Variants in FUT8 observed in about 807,000 individuals in gnomAD.
FUT8 encodes fucosyltransferase 8.
Under a neutral mutation model 71.3 loss-of-function variants are expected in FUT8, and 29 were observed. That is an observed-to-expected ratio of 0.41 (90% CI 0.30 to 0.55). The LOEUF is 0.55. Ranked by LOEUF, FUT8 falls within the 20% of genes least tolerant of loss-of-function variation. FUT8 has a pLI of 0.34. For missense variants in FUT8, 544 were observed against 702.1 expected (o/e 0.77, Z 2.55); for synonymous variants, 254 against 239.3 (o/e 1.06, Z -0.57).
intron 2 of FUT8, among the ~76,000 whole-genome samples, chr14:65,468,912 C>G (rs1037366166): frequency 1.3e-5 from 2 of 152,116 alleles, no homozygotes; most frequent in Non-Finnish European, 2.9e-5. Flanking sequence ...ATTCTCCCTC[C>G]TCAGCTTCTC....
intron 7 of FUT8, among the ~76,000 whole-genome samples, chr14:65,677,183 T>TGCGC (rs1426881139): frequency 1.3e-4 from 17 of 130,582 alleles, no homozygotes; most frequent in East Asian, 2.7e-4. Context: ...CGTATGTGTG[T>TGCGC]GCGCATGTGT....
At chr14:65,646,088 G>C (rs1222799317) in intron 6 of FUT8, 1 of 152,162 alleles carries the variant, frequency 6.6e-6, no homozygotes. Flanking sequence ...TTTAACTCAT[G>C]ATGGTGAAAT....
rs1891918650 is a variant in FUT8, at chr14:65,660,736, T to C, written c.598-8507T>C. Among the ~76,000 whole-genome samples, 2 of 152,198 alleles carry C rather than the reference T, an allele frequency of 1.3e-5. No homozygotes were observed. Among genetic ancestry groups the C allele is most frequent in the African/African-American group, 2.4e-5 (1 of 41,456 alleles). Reference sequence around the variant, plus strand: ...TTTAATATGTTAAGGGACAATAATTTCTGGTCTTGGCTTTTAAAAGTGAGC... The same window carrying C: ...TTTAATATGTTAAGGGACAATAATTCCTGGTCTTGGCTTTTAAAAGTGAGC... On this transcript the variant is annotated intron_variant, in intron 6 of 10. Transcript: ENST00000673929. The surrounding 1 kb of genome is among the most constrained non-coding windows in gnomAD (Gnocchi z 4.1).
the FUT8 span, among the ~76,000 whole-genome samples, chr14:65,377,097 T>G: frequency 5.9e-5 from 9 of 152,328 alleles, no homozygotes; most frequent in African/African-American, 2.2e-4. Flanking sequence ...CTCCCCAGCA[T>G]GGAGTGTTAT....
chr14:65,707,901 G>C (rs1250952081), intron 7 of FUT8, among the ~76,000 whole-genome samples: 1 of 152,110 alleles, frequency 6.6e-6, no homozygotes, highest in Non-Finnish European at 1.5e-5. Context: ...AGTGGGTCTG[G>C]TGCCTCCAGC....
intron 9 of FUT8, among the ~76,000 whole-genome samples, chr14:65,730,792 T>C (rs1228720992): frequency 6.6e-6 from 1 of 152,212 alleles, no homozygotes; most frequent in African/African-American, 2.4e-5. Flanking sequence ...AATCACAGAA[T>C]CATTGACAGT....
chr14:65,489,884 C>A lies in FUT8; in HGVS notation c.-228+34166C>A, dbSNP rs4902398. On this transcript the variant is annotated intron_variant, in intron 2 of 10. Coordinates refer to ENST00000673929, the MANE Select transcript of FUT8 (RefSeq NM_001371533.1). The surrounding 1 kb of genome is among the most constrained non-coding windows in gnomAD (Gnocchi z 4.0). ...AAAGAAATTCAGTGTACTTTCTTTT[C>A]AAAAAAACATTAAAAACTCCAAAAC... is the stretch of plus-strand genomic sequence containing the variant. Among the ~76,000 whole-genome samples the A allele has an allele frequency of 3.6e-3, 541 of 151,664 alleles. 2 individuals are homozygous for A. Among genetic ancestry groups the A allele is most frequent in the Non-Finnish European group, 6.0e-3 (407 of 67,834 alleles).
At chr14:65,653,408 C>G (rs1891509732) in intron 6 of FUT8, among the ~76,000 whole-genome samples, 1 of 151,824 alleles carries the variant, frequency 6.6e-6, no homozygotes, top group Non-Finnish European at 1.5e-5. Context: ...TCTCTGATAC[C>G]TTTATAAAGA....
chr14:65,734,722 T>C (rs2139391819), intron 10 of FUT8, among the ~76,000 whole-genome samples: 1 of 152,272 alleles, frequency 6.6e-6, no homozygotes, highest in South Asian at 2.1e-4. Flanking sequence ...GGTAACAACC[T>C]CCAAACATTC....
rs76999762 is a variant in FUT8 at position 65,705,028 on chromosome 14, C to T, written c.836-16747C>T. On this transcript the variant is annotated intron_variant, in intron 7 of 10. Transcript: ENST00000673929. ...CCAGTCATTCCCAGAGTGTGATATG[C>T]TAATTCTTAAGAATGTTGCTAACAC... Among the ~76,000 whole-genome samples the T allele has an allele frequency of 6.0e-3, 918 of 152,306 alleles. 10 individuals carry two copies. The highest frequency in any genetic ancestry group is 0.021 in the African/African-American group (858 of 41,562).
At position 65,561,722 on chromosome 14, in the gene FUT8, A is replaced by G; in HGVS notation, c.159A>G (p.Leu53=). ...AGATTCTGGCAAAGCTTGAACGCTTAAAACAACAGAATGAAGACTTGAGGC... is the reference window on the plus strand; with the variant it reads ...AGATTCTGGCAAAGCTTGAACGCTTGAAACAACAGAATGAAGACTTGAGGC... ...LSKILAKLER[L]KQQNEDLRRM... Residue 53 remains leucine (L), a synonymous_variant, in exon 3 of 11, where the codon TTA becomes TTG. Transcript: ENST00000673929. The G allele has an allele frequency of 1.2e-6, 2 of 1,613,592 alleles. No homozygotes were observed. Among genetic ancestry groups the G allele is most frequent in the Admixed American group, 3.3e-5 (2 of 59,954 alleles).
intron 3 of FUT8, among the ~76,000 whole-genome samples, chr14:65,584,329 C>T (rs1417025607): frequency 1.3e-5 from 2 of 152,146 alleles, no homozygotes; most frequent in African/African-American, 4.8e-5. Flanking sequence ...TAGGCGGCCA[C>T]CACCACACCT....
At chr14:65,738,683 C>G (rs962247075) in intron 10 of FUT8, among the ~76,000 whole-genome samples, 1 of 151,986 alleles carries the variant, frequency 6.6e-6, no homozygotes, top group Admixed American at 6.6e-5. Flanking sequence ...ACTTTTAAAC[C>G]ACGTGGTAGG....
chr14:65,681,276 C>T (rs1290709713), intron 7 of FUT8, among the ~76,000 whole-genome samples: 2 of 152,120 alleles, frequency 1.3e-5, no homozygotes, highest in Non-Finnish European at 2.9e-5. Context: ...TTTTAATCTC[C>T]TTCTGAATCT....
intron 2 of FUT8, among the ~76,000 whole-genome samples, chr14:65,504,788 AGGTG>A: frequency 6.6e-6 from 1 of 152,114 alleles, no homozygotes; most frequent in Non-Finnish European, 1.5e-5. Flanking sequence ...TCCTGACATC[AGGTG>A]ATCTGCCCGC....
chr14:65,493,405 G>T (rs1285312235), intron 2 of FUT8, among the ~76,000 whole-genome samples: 3 of 151,816 alleles, frequency 2.0e-5, no homozygotes, highest in Admixed American at 2.0e-4. Context: ...GATATATTTT[G>T]GCTTGACTGA....
chr14:65,716,408 G>A (rs1594930584), intron 7 of FUT8, among the ~76,000 whole-genome samples: 1 of 141,300 alleles, frequency 7.1e-6, no homozygotes, highest in Non-Finnish European at 1.5e-5. Context: ...GGAAAATAAT[G>A]GAATTTATTC....
intron 2 of FUT8, among the ~76,000 whole-genome samples, chr14:65,480,233 C>T (rs146286752): frequency 4.0e-5 from 6 of 151,734 alleles, no homozygotes; most frequent in African/African-American, 1.5e-4. Flanking sequence ...CCTTTCTATC[C>T]CATCATTATG....
upstream of FUT8, chr14:65,410,815 G>T (rs1038226375): frequency 6.6e-6 from 1 of 151,678 alleles, no homozygotes; most frequent in Non-Finnish European, 1.5e-5. Context: ...GTCTTGCTAT[G>T]TTGCCCAGGC....
Sources: gnomAD v4.1 joint callset for allele counts (sites outside exome capture counted in the v4.1 genomes callset) on GRCh38, gnomAD v4.1.1 for gene constraint, Gnocchi (gnomAD v3.1) non-coding constraint, MANE v1.5 for transcripts, NCBI Gene and HGNC (gene_info 2026-07-23, HGNC 2026-07-21) for gene names.